Variants in ADARB2 observed in about 807,000 individuals in gnomAD.
The protein encoded by ADARB2 is inactive double-stranded RNA-specific editase B2.
A neutral mutation model predicts 62.2 loss-of-function variants in ADARB2; 25 were observed. That is an observed-to-expected ratio of 0.40 (90% CI 0.29 to 0.56). ADARB2 has a LOEUF of 0.56. Among genes scored for constraint, ADARB2 ranks in the 20% least tolerant of loss-of-function variants. The probability of loss-of-function intolerance (pLI) is 0.43; values close to 1 mark genes in which losing one functional copy is unlikely to be tolerated. For missense variants in ADARB2, 1,071 were observed against 1,077.4 expected, an observed-to-expected ratio of 0.99 and a Z score of 0.08; for synonymous variants, 572 against 500.8, an observed-to-expected ratio of 1.14 and a Z score of -1.90.
At chr10:1,229,845 CGTGTGTGTGT>C (rs761808070) in intron 6 of ADARB2, among the ~76,000 whole-genome samples, 1 of 120,120 alleles carries the variant, frequency 8.3e-6, no homozygotes, top group African/African-American at 4.0e-5. Flanking sequence ...CATGTGCTTA[CGTGTGTGTGT>C]GTGTGTGTGT....
chr10:1,418,493 T>C (rs2892336), intron 1 of ADARB2, among the ~76,000 whole-genome samples: 33,545 of 152,122 alleles, frequency 0.22, 4,661 homozygotes, highest in East Asian at 0.62. Flanking sequence ...GAAGCTCTGA[T>C]ACTCAAATGT....
chr10:1,199,221 C>CCA (rs1370234634), intron 8 of ADARB2, among the ~76,000 whole-genome samples: 5 of 152,102 alleles, frequency 3.3e-5, no homozygotes, highest in African/African-American at 1.2e-4. Flanking sequence ...CCCACCCCCC[C>CCA]GCTTCCCGCT....
At position 1,183,187 on chromosome 10, in the gene ADARB2, C is replaced by T. The variant is rs777631162; in HGVS notation, c.*6G>A. On this transcript the variant is annotated 3_prime_UTR_variant, in exon 10 of 10. Coordinates refer to ENST00000381312, the MANE Select transcript of ADARB2 (RefSeq NM_018702.4). Reference sequence around the variant, plus strand: ...CGCTCAGCTCCAGCAGCCAGGAGCCCGCAGCCTAGAGAGTCAGTAGAAACT... The same window carrying T: ...CGCTCAGCTCCAGCAGCCAGGAGCCTGCAGCCTAGAGAGTCAGTAGAAACT... 43 of 1,611,220 alleles carry T rather than the reference C, an allele frequency of 2.7e-5. No individual in the cohort carries two copies. Among genetic ancestry groups the T allele is most frequent in the African/African-American group, 5.3e-5 (4 of 74,872 alleles).
chr10:1,187,769 G>T, intron 8 of ADARB2: 1 of 356,680 alleles, frequency 2.8e-6, no homozygotes, highest in Non-Finnish European at 6.0e-6. Flanking sequence ...ACAGAAGGAA[G>T]GAGCTGGTGG....
intron 1 of ADARB2, among the ~76,000 whole-genome samples, chr10:1,544,956 T>TATACACACACACACAC (rs10526252): frequency 0.011 from 1,507 of 133,918 alleles, 22 homozygotes; most frequent in East Asian, 0.031. Context: ...TAGCAAAGTA[T>TATACACACACACACAC]ACACACACAC....
At chr10:1,470,421 G>A (rs1831306635) in intron 1 of ADARB2, among the ~76,000 whole-genome samples, 1 of 152,178 alleles carries the variant, frequency 6.6e-6, no homozygotes, top group Non-Finnish European at 1.5e-5. Context: ...GCCCTGTGGG[G>A]CTAACAATGG....
chr10:1,185,058 A>G lies in ADARB2; in HGVS notation c.1865-19T>C. The G allele has an allele frequency of 6.2e-7, 1 of 1,604,770 alleles. No individual in the cohort carries two copies. The highest frequency in any genetic ancestry group is 8.5e-7 in the Non-Finnish European group (1 of 1,174,902). On this transcript the variant is annotated intron_variant, in intron 8 of 9. Transcript: ENST00000381312. ...CTCACGCCTGTCGGGGAGATGGGGA[A>G]AGGCGGGCGTTAATATTCCTGGCCT...
intron 3 of ADARB2, among the ~76,000 whole-genome samples, chr10:1,303,146 T>C (rs1202163498): frequency 1.8e-4 from 28 of 151,380 alleles, no homozygotes; most frequent in Middle Eastern, 3.5e-3. Flanking sequence ...TTTAGAAGAA[T>C]TTGTAACTAG....
chr10:1,572,223 G>A (rs975345241), intron 1 of ADARB2, among the ~76,000 whole-genome samples: 6 of 151,480 alleles, frequency 4.0e-5, no homozygotes, highest in Admixed American at 3.9e-4. Context: ...GAGTGTACAA[G>A]TGAGTAGGCA....
At chr10:1,721,336 T>A (rs1327072271) in intron 1 of ADARB2, among the ~76,000 whole-genome samples, 1 of 152,238 alleles carries the variant, frequency 6.6e-6, no homozygotes, top group South Asian at 2.1e-4. Context: ...AATGTTGACG[T>A]TGACATAAAA....
At chr10:1,257,141 A>C (rs1384361610) in intron 4 of ADARB2, among the ~76,000 whole-genome samples, 1 of 152,010 alleles carries the variant, frequency 6.6e-6, no homozygotes, top group African/African-American at 2.4e-5. Flanking sequence ...CTCTCTGCTG[A>C]CCTCTAATAC....
chr10:1,326,812 G>C (rs1335747605), intron 3 of ADARB2, among the ~76,000 whole-genome samples: 1 of 117,762 alleles, frequency 8.5e-6, no homozygotes, highest in South Asian at 3.1e-4. Context: ...ACGGCCCAGC[G>C]CCTCCCCACG....
intron 1 of ADARB2, among the ~76,000 whole-genome samples, chr10:1,530,722 C>CCCT (rs1832222184): frequency 6.6e-6 from 1 of 152,250 alleles, no homozygotes; most frequent in Admixed American, 6.5e-5. Context: ...CCCACACTCT[C>CCCT]CCTGCTCACG....
chr10:1,734,370 GA>G (rs1309562246), intron 1 of ADARB2, among the ~76,000 whole-genome samples: 1 of 144,554 alleles, frequency 6.9e-6, no homozygotes, highest in African/African-American at 2.6e-5. Flanking sequence ...AACTTCTACA[GA>G]AAAAAATATC....
rs141009189 is a variant in ADARB2, at chr10:1,197,701, C to T, written c.1864+2265G>A. Among the ~76,000 whole-genome samples the T allele has an allele frequency of 2.8e-3, 427 of 152,352 alleles. 3 individuals carry two copies. The highest frequency in any genetic ancestry group is 7.4e-3 in the Admixed American group (114 of 15,308). On this transcript the variant is annotated intron_variant, in intron 8 of 9. Coordinates refer to ENST00000381312, the MANE Select transcript of ADARB2 (RefSeq NM_018702.4). The stretch of plus-strand genomic sequence containing the variant: ...TTGAGGTGGGCTGTAAAAATAATCA[C>T]AGTTTTATCTTCAGTGTGGACTAAG...
intron 2 of ADARB2, among the ~76,000 whole-genome samples, chr10:1,377,234 T>G (rs1832440660): frequency 8.1e-6 from 1 of 124,144 alleles, no homozygotes; most frequent in African/African-American, 3.2e-5. Flanking sequence ...GGGGTGTGTT[T>G]GTGTGCGCCC....
chr10:1,442,093 G>A (rs1830912719), intron 1 of ADARB2, among the ~76,000 whole-genome samples: 1 of 152,166 alleles, frequency 6.6e-6, no homozygotes, highest in Admixed American at 6.5e-5. Flanking sequence ...ATACCCCATG[G>A]GGTATATTAC....
intron 1 of ADARB2, chr10:1,535,620 G>A (rs903854158): frequency 5.4e-5 from 9 of 167,406 alleles, no homozygotes; most frequent in African/African-American, 2.2e-4. Context: ...GCGAGATTCC[G>A]GGCCATCCAT....
intron 5 of ADARB2, chr10:1,240,412 C>T (rs1035401518): frequency 5.2e-5 from 8 of 152,848 alleles, no homozygotes; most frequent in East Asian, 1.9e-4. Flanking sequence ...TGTTTTCACA[C>T]GTTCTGCCCC....
Sources: allele counts gnomAD v4.1 joint callset (sites outside exome capture counted in the v4.1 genomes callset), GRCh38; gene constraint gnomAD v4.1.1; transcripts MANE v1.5; gene names NCBI Gene and HGNC (gene_info 2026-07-23, HGNC 2026-07-21).